Variants in HS6ST2 observed in about 807,000 individuals in gnomAD.
HS6ST2 encodes the protein heparan sulfate 6-O-sulfotransferase 2.
HS6ST2 carries 17 observed loss-of-function variants against 33.0 expected under a neutral mutation model. That is an observed-to-expected ratio of 0.52 (90% CI 0.35 to 0.77). HS6ST2 has a LOEUF of 0.77. Ranked by LOEUF, HS6ST2 falls within the 30% of genes least tolerant of loss-of-function variation. The pLI is 0.01. For synonymous variants in HS6ST2, 248 were observed against 237.1 expected (o/e 1.05, Z -0.42); for missense variants, 519 against 551.7 (o/e 0.94, Z 0.59).
intron 2 of HS6ST2, among the ~76,000 whole-genome samples, chrX:132,711,715 C>T (rs2064232515): frequency 8.9e-6 from 1 of 111,764 alleles, no homozygotes; most frequent in African/African-American, 3.3e-5. Context: ...ATCATAATGG[C>T]CAAATTTAAA....
chrX:132,814,750 A>G (rs1461682880), intron 2 of HS6ST2, among the ~76,000 whole-genome samples: 1 of 111,614 alleles, frequency 9.0e-6, no homozygotes, highest in Non-Finnish European at 1.9e-5. Context: ...GGCCCCATCT[A>G]TATTCAGGCT....
intron 3 of HS6ST2, among the ~76,000 whole-genome samples, chrX:132,702,685 C>T (rs991348989): frequency 1.2e-4 from 13 of 112,041 alleles, no homozygotes; most frequent in African/African-American, 4.2e-4. Context: ...TCTCTGATCA[C>T]TCTCCAACTG....
rs769133905 is a variant in HS6ST2, at chrX:132,687,086, C to T, written c.981-17887G>A. ...TCTGGCTTTCTGCATCCCTTCTAGA[C>T]CAATATGAGTCCTCTGTTGTGACCA... On this transcript the variant is annotated intron_variant, in intron 3 of 4. Coordinates refer to ENST00000370833, the MANE Select transcript of HS6ST2 (RefSeq NM_001394073.1). Among the ~76,000 whole-genome samples, 7 of 112,148 alleles carry T rather than the reference C, an allele frequency of 6.2e-5. No individual in the cohort carries two copies. In the East Asian group the frequency reaches 1.1e-3, roughly 18 times the overall value.
intron 2 of HS6ST2, among the ~76,000 whole-genome samples, chrX:132,949,406 A>T (rs1462086802): frequency 9.0e-6 from 1 of 110,941 alleles, no homozygotes. Context: ...AGAAAGAAAC[A>T]ATAGCAATTC....
At chrX:132,671,406 C>T (rs772058515) in intron 3 of HS6ST2, among the ~76,000 whole-genome samples, 3 of 107,323 alleles carry the variant, frequency 2.8e-5, no homozygotes, top group Non-Finnish European at 5.8e-5. Context: ...TAAGTCATCA[C>T]TAAATCACTA....
intron 2 of HS6ST2, among the ~76,000 whole-genome samples, chrX:132,934,585 T>C (rs1328588218): frequency 9.0e-6 from 1 of 111,727 alleles, no homozygotes; most frequent in Non-Finnish European, 1.9e-5. Flanking sequence ...ATACATAGAT[T>C]AAGCCCTAGA....
chrX:132,735,790 C>T (rs2064502193), intron 2 of HS6ST2, among the ~76,000 whole-genome samples: 1 of 111,960 alleles, frequency 8.9e-6, no homozygotes, highest in Non-Finnish European at 1.9e-5. Flanking sequence ...CATCTTCTCC[C>T]TTAAAGAAAG....
At chrX:132,909,516 CT>C (rs2066511500) in intron 2 of HS6ST2, among the ~76,000 whole-genome samples, 1 of 112,199 alleles carries the variant, frequency 8.9e-6, no homozygotes, top group Admixed American at 9.4e-5. Context: ...TTGATTGGAA[CT>C]CTTTTTTAAA....
intron 2 of HS6ST2, among the ~76,000 whole-genome samples, chrX:132,894,290 G>A (rs780565405): frequency 4.8e-5 from 5 of 104,468 alleles, no homozygotes; most frequent in East Asian, 3.1e-4. Flanking sequence ...TACAGCATGC[G>A]CCACCACGCC....
chrX:132,785,134 T>C (rs1371463837), intron 2 of HS6ST2, among the ~76,000 whole-genome samples: 7 of 112,437 alleles, frequency 6.2e-5, no homozygotes, highest in African/African-American at 2.3e-4. Flanking sequence ...ATATTTGATA[T>C]AAACCTTCTC....
At chrX:132,845,248 G>A (rs772285064) in intron 2 of HS6ST2, among the ~76,000 whole-genome samples, 2 of 109,368 alleles carry the variant, frequency 1.8e-5, no homozygotes, top group South Asian at 7.9e-4. Flanking sequence ...AAATATCAGG[G>A]GATATTCTCT....
At chrX:132,728,508 C>T (rs7061951) in intron 2 of HS6ST2, among the ~76,000 whole-genome samples, 2,135 of 111,766 alleles carry the variant, frequency 0.019, 42 homozygotes, top group East Asian at 0.14. Flanking sequence ...CAGCCTAACG[C>T]GGGCATGTTG....
intron 2 of HS6ST2, among the ~76,000 whole-genome samples, chrX:132,829,026 G>A (rs1481835263): frequency 9.8e-6 from 1 of 102,445 alleles, no homozygotes; most frequent in African/African-American, 3.5e-5. Context: ...ATAGTCTATC[G>A]AGTAGATTCA....
intron 2 of HS6ST2, among the ~76,000 whole-genome samples, chrX:132,768,477 C>T (rs951347893): frequency 9.0e-6 from 1 of 111,299 alleles, no homozygotes; most frequent in African/African-American, 3.3e-5. Context: ...AGAACGTGTA[C>T]ATCATATAAG....
chrX:132,801,589 A>G (rs2065235517), intron 2 of HS6ST2, among the ~76,000 whole-genome samples: 1 of 111,746 alleles, frequency 8.9e-6, no homozygotes, highest in South Asian at 3.8e-4. Context: ...GGTGGATGCT[A>G]TCTGTTTCCT....
intron 2 of HS6ST2, among the ~76,000 whole-genome samples, chrX:132,828,678 T>TTATATATATATATATA (rs1176610550): frequency 1.9e-5 from 1 of 53,238 alleles, no homozygotes; most frequent in African/African-American, 9.2e-5. Flanking sequence ...ATATCATATT[T>TTATATATATATATATA]TATATATATA....
chrX:132,894,321 A>G (rs773953076), intron 2 of HS6ST2, among the ~76,000 whole-genome samples: 1 of 104,773 alleles, frequency 9.5e-6, no homozygotes, highest in Admixed American at 1.0e-4. Flanking sequence ...TTGTATTTTT[A>G]GTAGAGATGG....
intron 4 of HS6ST2, among the ~76,000 whole-genome samples, chrX:132,641,444 G>A (rs2063600761): frequency 8.9e-6 from 1 of 112,606 alleles, no homozygotes; most frequent in African/African-American, 3.2e-5. Flanking sequence ...ACCACACCCA[G>A]CAATATTTGG....
At chrX:132,632,615 A>G (rs191782097) in intron 4 of HS6ST2, among the ~76,000 whole-genome samples, 7 of 110,170 alleles carry the variant, frequency 6.4e-5, no homozygotes, top group African/African-American at 2.0e-4. Context: ...CACTGGGGAT[A>G]CAGACAGGGA....
Sources: allele counts gnomAD v4.1 joint callset (sites outside exome capture counted in the v4.1 genomes callset), GRCh38; gene constraint gnomAD v4.1.1; transcripts MANE v1.5; gene names NCBI Gene and HGNC (gene_info 2026-07-23, HGNC 2026-07-21).